Variants in DST observed in about 807,000 individuals in gnomAD.
The protein encoded by DST is dystonin, also known as bullous pemphigoid antigen.
A neutral mutation model predicts 875.2 loss-of-function variants in DST; 253 were observed. The observed-to-expected ratio is 0.29, with a 90% CI of 0.26 to 0.32. DST has a LOEUF of 0.32. Among genes scored for constraint, DST ranks in the 10% least tolerant of loss-of-function variants. The probability of loss-of-function intolerance (pLI) is 1.00; values close to 1 mark genes in which losing one functional copy is unlikely to be tolerated. For synonymous variants in DST, 3,124 were observed against 3,197.1 expected (o/e 0.98, Z 0.77); for missense variants, 8,287 against 9,111.6 (o/e 0.91, Z 3.68).
At chr6:56,463,535 T>C (rs371934678) in intron 101 of DST, 30 bp downstream of exon 101, 35 of 1,520,754 alleles carry the variant, frequency 2.3e-5, no homozygotes, top group Non-Finnish European at 2.6e-5. Flanking sequence ...ATTGCAAAGG[T>C]GGAGGAAAAG....
chr6:56,538,379 G>C (rs2097056680), intron 61 of DST, among the ~76,000 whole-genome samples: 1 of 104,906 alleles, frequency 9.5e-6, no homozygotes, highest in African/African-American at 3.1e-5. Context: ...TCGATATTAA[G>C]GTAAAACATA....
intron 101 of DST, 83 bp from the exon 102 acceptor site, chr6:56,463,239 A>G (rs2094425985): frequency 2.5e-6 from 2 of 799,816 alleles, no homozygotes; most frequent in Non-Finnish European, 2.1e-6. Context: ...CATAGCAAAG[A>G]GTCACATTTC....
intron 34 of DST, among the ~76,000 whole-genome samples, chr6:56,626,832 T>C (rs1434259219): frequency 6.6e-6 from 1 of 152,046 alleles, no homozygotes; most frequent in Non-Finnish European, 1.5e-5. Context: ...GGGCTAAAAC[T>C]GAAAAGTTGT....
At chr6:56,562,294 TCACACATAAAA>T in intron 55 of DST, 94 bp from the exon 56 acceptor site, 16 of 519,586 alleles carry the variant, frequency 3.1e-5, no homozygotes, top group South Asian at 1.0e-4. Flanking sequence ...TCAACAGTAA[TCACACATAAAA>T]CACTGACTCA....
At position 56,627,084 on chromosome 6, in the gene DST, A is replaced by C. The variant is rs145767364; in HGVS notation, c.4722+120T>G. ...ACAAAGAATTATTAGATAAGTGTCA[A>C]AAAAGTTCAAATGAAGATTCTTTTA... On this transcript the variant is annotated intron_variant, in intron 34 of 103. Transcript: ENST00000680361. 8.9e-4 allele frequency: 720 copies of C among 811,680 alleles called. 2 individuals are homozygous for C. The African/African-American group carries it at 0.01, about 12-fold the overall frequency. 50.3% of individuals were successfully genotyped at this position (811,680 alleles called of 1,614,324 possible).
At chr6:56,722,368 GTTTATTTATTTA>G (rs1554672067) in intron 5 of DST, among the ~76,000 whole-genome samples, 2 of 150,596 alleles carry the variant, frequency 1.3e-5, no homozygotes, top group Non-Finnish European at 3.0e-5. Context: ...GTACATGTTT[GTTTATTTATTTA>G]TTTATTTATT....
intron 3 of DST, among the ~76,000 whole-genome samples, chr6:56,876,087 T>C (rs1180527901): frequency 1.3e-5 from 2 of 152,254 alleles, no homozygotes; most frequent in South Asian, 2.1e-4. Context: ...GCATGTCTCA[T>C]CGAAATCCCG....
chr6:56,476,780 T>A (rs1447666619), intron 91 of DST, among the ~76,000 whole-genome samples: 5 of 151,852 alleles, frequency 3.3e-5, no homozygotes, highest in African/African-American at 9.7e-5. Context: ...GGTGAAACCA[T>A]CTCTACTAAA....
Position 56,793,068 on chromosome 6 carries a change from CAAAAAAAAAAAA to C in DST, c.626-57791_626-57780del, listed in dbSNP as rs61457774. Among the ~76,000 whole-genome samples, 177 of 42,350 alleles carry C rather than the reference CAAAAAAAAAAAA, an allele frequency of 4.2e-3. 3 individuals carry two copies. Among genetic ancestry groups the C allele is most frequent in the East Asian group, 0.028 (22 of 800 alleles). The allele number at this position is 42,350 out of a possible 152,430, so 27.8% of individuals were successfully genotyped here. On this transcript the variant is annotated intron_variant, in intron 4 of 103. Transcript: ENST00000680361. ...TGGACAACAGAGTGAGACCCTGTCTCAAAAAAAAAAAAAAAAAAAAAAAAAAAAAAAGCAAAA... is the reference window on the plus strand; with the variant it reads ...TGGACAACAGAGTGAGACCCTGTCTCAAAAAAAAAAAAAAAAAAAGCAAAA...
chr6:56,461,664 A>AAATT, intron 102 of DST: 1 of 152,340 alleles, frequency 6.6e-6, no homozygotes, highest in Non-Finnish European at 1.5e-5. Context: ...AGTCAAAATA[A>AAATT]CTACTTAGAC....
Position 56,851,421 on chromosome 6 carries a change from C to A in DST, c.601G>T (p.Glu201Ter). ...CCTGCTATCCGAAGCACTGCCCTCT[C>A]GGCAGGGTCCAGCACTGAGCCCCCT... ...IQGGSVLDPA[E>*]RAVLRIADER... The change falls in exon 4 of 104, where the codon GAG (glutamate) becomes TAG (stop). Residue 201 changes from glutamate (E) to a stop codon, truncating the protein, a stop_gained. Coordinates refer to ENST00000680361, the MANE Select transcript of DST (RefSeq NM_001374736.1). LOFTEE classifies it high-confidence loss of function. 6.2e-7 allele frequency: 1 copy of A among 1,613,510 alleles called. No individual in the cohort carries two copies. Among genetic ancestry groups the A allele is most frequent in the Non-Finnish European group, 8.5e-7 (1 of 1,179,878 alleles).
intron 61 of DST, among the ~76,000 whole-genome samples, chr6:56,546,847 A>C (rs909576894): frequency 3.3e-5 from 5 of 152,194 alleles, no homozygotes; most frequent in African/African-American, 1.2e-4. Context: ...CTTTGATCAA[A>C]GGTGGGCCTA....
At chr6:56,534,363 A>G (rs953127680) in intron 63 of DST, among the ~76,000 whole-genome samples, 3 of 152,154 alleles carry the variant, frequency 2.0e-5, no homozygotes, top group Non-Finnish European at 4.4e-5. Context: ...CTGGCTGATT[A>G]CTACTCAAAG....
rs755080737 is a variant in DST, at chr6:56,906,908, G to A, written c.217-6287C>T. Among the ~76,000 whole-genome samples, 5 of 152,270 alleles carry A rather than the reference G, an allele frequency of 3.3e-5. No individual in the cohort carries two copies. The East Asian group carries it at 5.8e-4, about 18-fold the overall frequency. On this transcript the variant is annotated intron_variant, in intron 2 of 103. Coordinates refer to ENST00000680361, the MANE Select transcript of DST (RefSeq NM_001374736.1). The stretch of plus-strand genomic sequence containing the variant: ...ATTGATGACAACCATCCTAACAGAT[G>A]TGAGGTGATAGCTCACTGTAGCTTT...
chr6:56,933,480 C>T (rs1811330706), intron 2 of DST, among the ~76,000 whole-genome samples: 1 of 152,214 alleles, frequency 6.6e-6, no homozygotes, highest in South Asian at 2.1e-4. Context: ...CTGCAAACCT[C>T]AGTGTGGATG....
At chr6:56,812,109 A>AGAAAAGAAAAGAAAAG (rs1554158453) in intron 4 of DST, among the ~76,000 whole-genome samples, 1 of 111,802 alleles carries the variant, frequency 8.9e-6, no homozygotes, top group Non-Finnish European at 1.8e-5. Flanking sequence ...CTCAAAAAAA[A>AGAAAAGAAAAGAAAAG]AAAAGAAAAG....
chr6:56,924,449 T>A (rs1805975964), intron 2 of DST, among the ~76,000 whole-genome samples: 1 of 152,184 alleles, frequency 6.6e-6, no homozygotes, highest in Admixed American at 6.5e-5. Flanking sequence ...TTTGTGTTTA[T>A]CTGTATGTAT....
chr6:56,873,370 T>A (rs111623890), intron 3 of DST, among the ~76,000 whole-genome samples: 4,514 of 152,300 alleles, frequency 0.03, 226 homozygotes, highest in African/African-American at 0.099. Context: ...TTTGCTTTGG[T>A]TTCCTGTGCT....
At chr6:56,469,627 G>A (rs1445968065) in intron 97 of DST, among the ~76,000 whole-genome samples, 1 of 152,168 alleles carries the variant, frequency 6.6e-6, no homozygotes, top group East Asian at 1.9e-4. Context: ...TATGAGATTT[G>A]AGTATTTTCT....
Sources: allele counts gnomAD v4.1 joint callset (sites outside exome capture counted in the v4.1 genomes callset), GRCh38; gene constraint gnomAD v4.1.1; transcripts MANE v1.5; gene names NCBI Gene and HGNC (gene_info 2026-07-23, HGNC 2026-07-21).